PLOD2: variants seen among roughly 807,000 people sequenced by gnomAD.
PLOD2 encodes the protein lysine hydroxylase 2.
Under a neutral mutation model 101.0 loss-of-function variants are expected in PLOD2, and 65 were observed. The observed-to-expected ratio is 0.64, with a 90% confidence interval of 0.53 to 0.79. The LOEUF is 0.79. PLOD2 is among the 30% of genes least tolerant of loss of function. PLOD2 has a pLI of 0.00. For missense variants in PLOD2, 909 were observed against 914.6 expected (o/e 0.99, Z 0.08); for synonymous variants, 314 against 302.9 (o/e 1.04, Z -0.38).
intron 11 of PLOD2, among the ~76,000 whole-genome samples, chr3:146,084,640 T>G (rs1936691722): frequency 6.6e-6 from 1 of 152,100 alleles, no homozygotes; most frequent in African/African-American, 2.4e-5. Flanking sequence ...TTAGTATCAT[T>G]GTAAGCTGAT....
chr3:146,144,422 C>CA (rs1389690987), intron 1 of PLOD2, among the ~76,000 whole-genome samples: 5 of 152,106 alleles, frequency 3.3e-5, no homozygotes, highest in Non-Finnish European at 5.9e-5. Flanking sequence ...CCCTTTTGTA[C>CA]ACTGCTCGTG....
At chr3:146,133,037 G>A (rs1559865820) in intron 1 of PLOD2, among the ~76,000 whole-genome samples, 1 of 152,114 alleles carries the variant, frequency 6.6e-6, no homozygotes, top group Non-Finnish European at 1.5e-5. Flanking sequence ...TTAGCCGGGT[G>A]TGGTGGCTGG....
intron 7 of PLOD2, among the ~76,000 whole-genome samples, chr3:146,094,374 G>A (rs13088158): frequency 0.53 from 74,514 of 141,866 alleles, 17,809 homozygotes; most frequent in East Asian, 0.58. Flanking sequence ...TAGATCAGGT[G>A]ATTAGCTCTT....
intron 1 of PLOD2, among the ~76,000 whole-genome samples, chr3:146,141,492 C>T (rs1423344033): frequency 6.6e-6 from 1 of 152,072 alleles, no homozygotes; most frequent in Admixed American, 6.6e-5. Flanking sequence ...TAACCCCTGA[C>T]TCCACACCAC....
intron 1 of PLOD2, among the ~76,000 whole-genome samples, chr3:146,145,029 T>C (rs2031712220): frequency 6.6e-6 from 1 of 152,134 alleles, no homozygotes; most frequent in Non-Finnish European, 1.5e-5. Flanking sequence ...ATCTACCATA[T>C]CCTAGTTCTT....
At chr3:146,160,739 G>A in intron 1 of PLOD2, 142 bp downstream of exon 1, 1 of 626,450 alleles carries the variant, frequency 1.6e-6, no homozygotes, top group South Asian at 1.8e-5. Context: ...CGCAATTCTG[G>A]GGAAGACCCC....
intron 1 of PLOD2, among the ~76,000 whole-genome samples, chr3:146,139,203 TAAACAGGGTTTGTG>T (rs1414271174): frequency 6.6e-6 from 1 of 152,168 alleles, no homozygotes; most frequent in Admixed American, 6.5e-5. Flanking sequence ...ATGGACAGAT[TAAACAGGGTTTGTG>T]AAAAAGAGCA....
intron 1 of PLOD2, among the ~76,000 whole-genome samples, chr3:146,148,338 G>GCGCACA (rs71633958): frequency 0.018 from 2,668 of 146,532 alleles, 59 homozygotes; most frequent in African/African-American, 0.048. Context: ...AGGCAGGCAC[G>GCGCACA]CACACACACA....
chr3:146,072,731 AT>A, intron 16 of PLOD2, 66 bp from the exon 17 acceptor site: 1 of 964,912 alleles, frequency 1.0e-6, no homozygotes, highest in Non-Finnish European at 1.7e-6. Context: ...TAAAATAGTT[AT>A]TTTAATATGT....
intron 1 of PLOD2, among the ~76,000 whole-genome samples, chr3:146,144,362 A>G (rs1347238719): frequency 1.3e-5 from 2 of 152,110 alleles, no homozygotes; most frequent in African/African-American, 4.8e-5. Context: ...TTTTCCCCTA[A>G]AACCTTGAAG....
At chr3:146,124,756 T>C (rs1466905520) in intron 1 of PLOD2, among the ~76,000 whole-genome samples, 1 of 152,136 alleles carries the variant, frequency 6.6e-6, no homozygotes, top group Non-Finnish European at 1.5e-5. Flanking sequence ...AATCTTAATT[T>C]TTTTCTCCTA....
chr3:146,089,950 T>A (rs1341057107), intron 8 of PLOD2, among the ~76,000 whole-genome samples: 1 of 151,372 alleles, frequency 6.6e-6, no homozygotes, highest in Admixed American at 6.6e-5. Context: ...CCAGAACACA[T>A]ATATTTGAGG....
chr3:146,101,637 A>G (rs894592234), intron 7 of PLOD2, among the ~76,000 whole-genome samples: 9 of 152,226 alleles, frequency 5.9e-5, no homozygotes, highest in Non-Finnish European at 1.5e-5. Context: ...CGAGTTATCT[A>G]TATTTTAAGA....
intron 1 of PLOD2, among the ~76,000 whole-genome samples, chr3:146,124,611 C>T (rs187976234): frequency 9.9e-5 from 15 of 152,140 alleles, no homozygotes; most frequent in Admixed American, 9.2e-4. Context: ...TGATTTATGA[C>T]ATCACCAGTG....
intron 1 of PLOD2, among the ~76,000 whole-genome samples, chr3:146,134,043 G>T (rs904613598): frequency 1.3e-5 from 2 of 151,966 alleles, no homozygotes; most frequent in Non-Finnish European, 2.9e-5. Flanking sequence ...GAATAGTTGA[G>T]GGATTGAGAA....
intron 1 of PLOD2, among the ~76,000 whole-genome samples, chr3:146,128,511 C>T (rs1380550373): frequency 1.3e-5 from 2 of 152,102 alleles, no homozygotes. Context: ...ATGTAATCAT[C>T]TTTACATAAT....
chr3:146,139,158 T>C (rs1462517967), intron 1 of PLOD2, among the ~76,000 whole-genome samples: 1 of 152,140 alleles, frequency 6.6e-6, no homozygotes, highest in Admixed American at 6.5e-5. Flanking sequence ...AGTCATCCAT[T>C]TGAATATGTT....
At position 146,072,660 on chromosome 3, in the gene PLOD2, A is replaced by T; in HGVS notation, c.1749T>A (p.Cys583Ter). Residue 583 changes from cysteine (C) to a stop codon, truncating the protein, a stop_gained, in exon 17 of 20, where the codon TGT (cysteine) becomes TGA (stop). Transcript: ENST00000282903. LOFTEE classifies it high-confidence loss of function. ...ATATGGGGAACCAAAAGACATCTGG[A>T]CAGGGCTATAAAATATGCATCATCG... The part of the protein sequence containing the change: ...IFTENIVEQP[C>*]PDVFWFPIFS... 6.3e-7 allele frequency: 1 copy of T among 1,590,630 alleles called. No homozygotes were observed. The highest frequency in any genetic ancestry group is 1.3e-5 in the African/African-American group (1 of 74,458).
intron 3 of PLOD2, among the ~76,000 whole-genome samples, chr3:146,112,551 A>C (rs1937688388): frequency 2.0e-5 from 3 of 151,940 alleles, no homozygotes; most frequent in African/African-American, 4.8e-5. Flanking sequence ...TAATTCATGC[A>C]GGGCTTAAAA....
Sources: allele counts gnomAD v4.1 joint callset (sites outside exome capture counted in the v4.1 genomes callset), GRCh38; gene constraint gnomAD v4.1.1; transcripts MANE v1.5; gene names NCBI Gene and HGNC (gene_info 2026-07-23, HGNC 2026-07-21).